AIG1: variants seen among roughly 807,000 people sequenced by gnomAD.
The protein encoded by AIG1 is androgen-induced gene 1 protein.
AIG1 carries 23 observed loss-of-function variants against 31.4 expected under a neutral mutation model. The ratio of observed to expected loss-of-function variants is 0.73; its 90% CI spans 0.53 to 1.04. The LOEUF (loss-of-function observed/expected upper bound fraction) is 1.04. Ranked by LOEUF, AIG1 falls within the 50% of genes least tolerant of loss-of-function variation. The pLI is 0.00. For synonymous variants in AIG1, 100 were observed against 110.5 expected, an observed-to-expected ratio of 0.90 and a Z score of 0.60; for missense variants, 274 against 295.0, an observed-to-expected ratio of 0.93 and a Z score of 0.52.
Position 143,332,981 on chromosome 6 carries a change from C to A in AIG1, c.516-301C>A, listed in dbSNP as rs562014791. The stretch of plus-strand genomic sequence containing the variant: ...AATAAAGCCTATAATTTAGTACTGT[C>A]ATATCAATGTTAATTTTTTAATTTT... On this transcript the variant is annotated intron_variant, in intron 4 of 5. Coordinates refer to ENST00000357847, the MANE Select transcript of AIG1 (RefSeq NM_016108.4). 3.9e-5 allele frequency among the ~76,000 whole-genome samples: 6 copies of A among 152,252 alleles called. No individual in the cohort carries two copies. In the South Asian group the frequency reaches 1.2e-3, roughly 32 times the overall value.
chr6:143,077,564 G>A (rs1461419785), intron 1 of AIG1, among the ~76,000 whole-genome samples: 1 of 152,136 alleles, frequency 6.6e-6, no homozygotes, highest in Non-Finnish European at 1.5e-5. Flanking sequence ...AATTATTTAA[G>A]CCATTGTGCT....
chr6:143,269,576 T>C (rs1233246604), intron 3 of AIG1, among the ~76,000 whole-genome samples: 1 of 152,150 alleles, frequency 6.6e-6, no homozygotes, highest in African/African-American at 2.4e-5. Flanking sequence ...AACCACAGTG[T>C]CATCAATAAC....
At chr6:143,146,547 C>T (rs1054294267) in intron 2 of AIG1, among the ~76,000 whole-genome samples, 1 of 151,764 alleles carries the variant, frequency 6.6e-6, no homozygotes, top group African/African-American at 2.4e-5. Flanking sequence ...ACCCTCTTCT[C>T]TCTTTCTCTC....
intron 3 of AIG1, among the ~76,000 whole-genome samples, chr6:143,217,736 T>C (rs1290685934): frequency 6.6e-6 from 1 of 152,186 alleles, no homozygotes; most frequent in African/African-American, 2.4e-5. Context: ...CTGGAACTTC[T>C]CATCTCAAGT....
chr6:143,294,094 T>C (rs9496561), intron 4 of AIG1, among the ~76,000 whole-genome samples: 41,512 of 151,990 alleles, frequency 0.27, 7,333 homozygotes, highest in African/African-American at 0.5. Flanking sequence ...GCCTCTATGT[T>C]TTTCAGCAAG....
At chr6:143,337,442 T>C (rs566097328) in intron 5 of AIG1, among the ~76,000 whole-genome samples, 30 of 151,684 alleles carry the variant, frequency 2.0e-4, no homozygotes, top group African/African-American at 7.3e-4. Flanking sequence ...TCTCCCAATC[T>C]GAGGTACTGA....
intron 2 of AIG1, among the ~76,000 whole-genome samples, chr6:143,148,089 A>G (rs1161916281): frequency 6.6e-6 from 1 of 152,148 alleles, no homozygotes; most frequent in South Asian, 2.1e-4. Context: ...CCAGGCTTTG[A>G]ACCCTAACAC....
chr6:143,232,287 G>T (rs887770882), intron 3 of AIG1, among the ~76,000 whole-genome samples: 7 of 152,182 alleles, frequency 4.6e-5, no homozygotes, highest in African/African-American at 1.7e-4. Flanking sequence ...AACTTCATGA[G>T]AATTAAGGGT....
chr6:143,079,893 G>C (rs1359090793), intron 1 of AIG1, among the ~76,000 whole-genome samples: 1 of 150,216 alleles, frequency 6.7e-6, no homozygotes, highest in Non-Finnish European at 1.5e-5. Context: ...AAATGCCTGT[G>C]TTTATATCCC....
At chr6:143,134,838 G>T (rs1240371888) in intron 1 of AIG1, among the ~76,000 whole-genome samples, 1 of 151,998 alleles carries the variant, frequency 6.6e-6, no homozygotes, top group Non-Finnish European at 1.5e-5. Context: ...CATAAAACAG[G>T]CTTTGTGTTA....
At chr6:143,111,941 C>A (rs1256970804) in intron 1 of AIG1, among the ~76,000 whole-genome samples, 4 of 152,162 alleles carry the variant, frequency 2.6e-5, no homozygotes, top group Admixed American at 2.6e-4. Flanking sequence ...AAACAGGCTC[C>A]TAACTGGTCT....
chr6:143,062,850 C>A (rs1776375711), intron 1 of AIG1, among the ~76,000 whole-genome samples: 1 of 152,232 alleles, frequency 6.6e-6, no homozygotes, highest in East Asian at 1.9e-4. Flanking sequence ...CTGCCTTATC[C>A]CATTCCTAAG....
rs2128684763 is a variant in AIG1 at position 143,288,140 on chromosome 6, C to T, written c.515+3915C>T. 6.6e-6 allele frequency among the ~76,000 whole-genome samples: 1 copy of T among 152,276 alleles called. No homozygotes were observed. The highest frequency in any genetic ancestry group is 1.9e-4 in the East Asian group (1 of 5,186). ...GCTGAATCTTTTCCCGGGCTGGCTC[C>T]ACCCTCACTTCCAAGCACCTGGAAT... On this transcript the variant is annotated intron_variant, in intron 4 of 5. Transcript: ENST00000357847. The surrounding 1 kb of genome is among the most constrained non-coding windows in gnomAD (Gnocchi z 4.4).
intron 3 of AIG1, among the ~76,000 whole-genome samples, chr6:143,177,701 A>C (rs146447990): frequency 6.6e-6 from 1 of 152,220 alleles, no homozygotes; most frequent in Non-Finnish European, 1.5e-5. Flanking sequence ...GCATGGGTGT[A>C]TGGCAGGTCT....
chr6:143,332,996 TTTTTAA>T (rs1235269393), intron 4 of AIG1, among the ~76,000 whole-genome samples: 1 of 152,186 alleles, frequency 6.6e-6, no homozygotes, highest in Non-Finnish European at 1.5e-5. Flanking sequence ...CAATGTTAAT[TTTTTAA>T]TTTTAGTCAA....
chr6:143,128,957 A>G (rs1432661538), intron 1 of AIG1, among the ~76,000 whole-genome samples: 2 of 152,230 alleles, frequency 1.3e-5, no homozygotes, highest in Admixed American at 6.5e-5. Flanking sequence ...AAATAGTAGC[A>G]TAACCCAAAC....
intron 1 of AIG1, among the ~76,000 whole-genome samples, chr6:143,107,538 T>C (rs961519434): frequency 1.7e-4 from 26 of 152,146 alleles, no homozygotes; most frequent in Non-Finnish European, 3.4e-4. Flanking sequence ...TAAAGCTTCC[T>C]TCATAACTGC....
At chr6:143,314,763 T>G (rs1334292600) in intron 4 of AIG1, among the ~76,000 whole-genome samples, 2 of 152,118 alleles carry the variant, frequency 1.3e-5, no homozygotes, top group Non-Finnish European at 2.9e-5. Context: ...TTAACCCTTT[T>G]CCATTTAGAA....
intron 3 of AIG1, among the ~76,000 whole-genome samples, chr6:143,209,307 AAAG>A (rs1456915458): frequency 6.6e-6 from 1 of 152,236 alleles, no homozygotes; most frequent in Non-Finnish European, 1.5e-5. Flanking sequence ...CATGTCCCCC[AAAG>A]GAGTCCTAAT....
Sources: gnomAD v4.1 joint callset for allele counts (sites outside exome capture counted in the v4.1 genomes callset) on GRCh38, gnomAD v4.1.1 for gene constraint, Gnocchi (gnomAD v3.1) non-coding constraint, MANE v1.5 for transcripts, NCBI Gene and HGNC (gene_info 2026-07-23, HGNC 2026-07-21) for gene names.